The following GLIPR1L1 variants were observed in gnomAD, a reference collection of about 807,000 sequenced individuals.
GLIPR1L1 encodes GLIPR1 like 1, also known as GLIPR1-like protein 1.
A neutral mutation model predicts 29.9 loss-of-function variants in GLIPR1L1; 26 were observed. That is an observed-to-expected ratio of 0.87 (90% CI 0.64 to 1.21). GLIPR1L1 has a LOEUF of 1.21. Among genes scored for constraint, GLIPR1L1 ranks in the 50% most tolerant of loss-of-function variants. The probability of loss-of-function intolerance (pLI) is 0.00; values close to 1 mark genes in which losing one functional copy is unlikely to be tolerated. For missense variants in GLIPR1L1, 305 were observed against 290.3 expected (o/e 1.05, Z -0.37); for synonymous variants, 77 against 97.5 (o/e 0.79, Z 1.24).
At chr12:75,357,082 C>T (rs930739984) in intron 3 of GLIPR1L1, among the ~76,000 whole-genome samples, 7 of 152,048 alleles carry the variant, frequency 4.6e-5, no homozygotes, top group Admixed American at 3.9e-4. Flanking sequence ...TTCAGTTACT[C>T]AGGAGGCTGA....
At chr12:75,337,652 C>T (rs539941678) in intron 1 of GLIPR1L1, among the ~76,000 whole-genome samples, 1 of 151,976 alleles carries the variant, frequency 6.6e-6, no homozygotes, top group Non-Finnish European at 1.5e-5. Flanking sequence ...GTGAAACTAC[C>T]TACCTCAAGA....
intron 4 of GLIPR1L1, among the ~76,000 whole-genome samples, chr12:75,368,375 C>A (rs1314495426): frequency 2.6e-5 from 4 of 151,600 alleles, no homozygotes; most frequent in African/African-American, 9.7e-5. Context: ...TTTTTTCCTG[C>A]ATCTCTTGAA....
In GLIPR1L1 at chr12:75,363,146, G is replaced by A; in HGVS notation, c.566G>A (p.Cys189Tyr). 1.9e-6 allele frequency: 3 copies of A among 1,553,954 alleles called. No individual in the cohort carries two copies. The highest frequency in any genetic ancestry group is 2.6e-6 in the Non-Finnish European group (3 of 1,157,500). Residue 189 changes from cysteine (C) to tyrosine (Y), a missense_variant, in exon 4 of 6, where the codon TGC becomes TAC. Coordinates refer to ENST00000378695, the MANE Select transcript of GLIPR1L1 (RefSeq NM_001304964.2). ...NMPPYVRGES[C>Y]SLCSKEEKCV... ...CCTCCTTACGTAAGAGGAGAATCTT[G>A]CTCTCTCTGCTCAAAAGAAGAGAAA... is the stretch of plus-strand genomic sequence containing the variant.
intron 3 of GLIPR1L1, among the ~76,000 whole-genome samples, chr12:75,354,824 C>T (rs1012173183): frequency 5.9e-5 from 9 of 152,066 alleles, no homozygotes; most frequent in East Asian, 1.9e-4. Context: ...GAAATAAGAC[C>T]GCACATCTAT....
chr12:75,351,364 A>T (rs373436532), intron 3 of GLIPR1L1, among the ~76,000 whole-genome samples: 15 of 152,328 alleles, frequency 9.8e-5, no homozygotes, highest in African/African-American at 3.6e-4. Context: ...TGAGAAGATC[A>T]ACCCCAAGAC....
chr12:75,351,710 C>A (rs1021645792), intron 3 of GLIPR1L1, among the ~76,000 whole-genome samples: 2 of 152,106 alleles, frequency 1.3e-5, no homozygotes, highest in African/African-American at 4.8e-5. Flanking sequence ...CCACACCCAG[C>A]TAATTTTTGT....
At chr12:75,361,399 T>C (rs1052499831) in intron 3 of GLIPR1L1, among the ~76,000 whole-genome samples, 3 of 152,176 alleles carry the variant, frequency 2.0e-5, no homozygotes, top group Non-Finnish European at 4.4e-5. Flanking sequence ...CTTTCAGGTT[T>C]TAAACTGTCT....
At chr12:75,344,931 T>C (rs2042351617) in intron 2 of GLIPR1L1, among the ~76,000 whole-genome samples, 1 of 152,132 alleles carries the variant, frequency 6.6e-6, no homozygotes, top group Non-Finnish European at 1.5e-5. Flanking sequence ...GTTGTCCAGT[T>C]TGGAAAGTGA....
chr12:75,363,260 A>T (rs1040831236), intron 4 of GLIPR1L1, 70 bp downstream of exon 4: 46 of 713,928 alleles, frequency 6.4e-5, no homozygotes, highest in Admixed American at 5.4e-4. Flanking sequence ...AAATTTTAAA[A>T]TTTGGCTTCT....
intron 3 of GLIPR1L1, among the ~76,000 whole-genome samples, chr12:75,352,645 A>T (rs1468648306): frequency 6.6e-6 from 1 of 152,230 alleles, no homozygotes; most frequent in African/African-American, 2.4e-5. Context: ...GCTCTGGATC[A>T]AGTGGACCTG....
At chr12:75,359,570 G>A (rs1200106942) in intron 3 of GLIPR1L1, among the ~76,000 whole-genome samples, 8 of 151,438 alleles carry the variant, frequency 5.3e-5, no homozygotes, top group African/African-American at 1.9e-4. Flanking sequence ...TAATAATATG[G>A]TTTTCAAAAG....
rs994683562 is a variant in GLIPR1L1, at chr12:75,366,875, T to A, written c.611-3085T>A. The A allele has an allele frequency of 4.6e-5, 32 of 701,518 alleles. 1 individual carries two copies. In the Middle Eastern group the frequency reaches 7.0e-4, roughly 15 times the overall value. 43.5% of individuals were successfully genotyped at this position (701,518 alleles called of 1,614,324 possible). ...CTTGAATGAGTCTTTTAAAACTAAT[T>A]TTGTTGAGGGTTCCCTGTAGGGCCA... On this transcript the variant is annotated intron_variant, in intron 4 of 5. Coordinates refer to ENST00000378695, the MANE Select transcript of GLIPR1L1 (RefSeq NM_001304964.2).
At chr12:75,365,719 A>G (rs910652604) in intron 4 of GLIPR1L1, among the ~76,000 whole-genome samples, 10 of 152,258 alleles carry the variant, frequency 6.6e-5, no homozygotes, top group Middle Eastern at 3.4e-3. Context: ...CAGTATTTAT[A>G]AAAACTGTGA....
At position 75,343,900 on chromosome 12, in the gene GLIPR1L1, A is replaced by G; in HGVS notation, c.382A>G (p.Ser128Gly). The G allele has an allele frequency of 6.2e-7, 1 of 1,611,404 alleles. No individual in the cohort carries two copies. Among genetic ancestry groups the G allele is most frequent in the South Asian group, 1.1e-5 (1 of 90,986 alleles). ...YNETQFYDFD[S>G]LSCSRVCGHY... is the part of the protein sequence containing the mutation. The stretch of plus-strand genomic sequence containing the variant: ...TGAAACCCAATTTTATGATTTTGAT[A>G]GTCTATCATGCTCCAGAGTCTGTGG... The change falls in exon 2 of 6, where the codon AGT (serine) becomes GGT (glycine). Residue 128 changes from serine (S) to glycine (G), a missense_variant. Transcript: ENST00000378695.
At chr12:75,360,233 C>A (rs1262020533) in intron 3 of GLIPR1L1, 1 of 152,118 alleles carries the variant, frequency 6.6e-6, no homozygotes, top group Non-Finnish European at 1.5e-5. Context: ...CCAGCCCATC[C>A]AAATCTCTTG....
chr12:75,365,779 A>G (rs2043925146), intron 4 of GLIPR1L1, among the ~76,000 whole-genome samples: 1 of 152,124 alleles, frequency 6.6e-6, no homozygotes, highest in Admixed American at 6.6e-5. Flanking sequence ...ATACCCTATG[A>G]ATTGTGGGTG....
chr12:75,345,180 C>G (rs952946959), intron 2 of GLIPR1L1, among the ~76,000 whole-genome samples: 2 of 152,048 alleles, frequency 1.3e-5, no homozygotes, highest in Admixed American at 1.3e-4. Context: ...ACTCTCATAA[C>G]TATGAGAGTG....
intron 4 of GLIPR1L1, among the ~76,000 whole-genome samples, chr12:75,369,127 G>A (rs1363526928): frequency 6.6e-6 from 1 of 151,826 alleles, no homozygotes; most frequent in African/African-American, 2.4e-5. Flanking sequence ...GAGTCAGATG[G>A]TTTAACTCAA....
At chr12:75,358,824 A>G (rs1419718252) in intron 3 of GLIPR1L1, among the ~76,000 whole-genome samples, 2 of 144,176 alleles carry the variant, frequency 1.4e-5, no homozygotes, top group East Asian at 3.9e-4. Flanking sequence ...TTAAATATAT[A>G]TAATATATAA....
Sources: allele counts gnomAD v4.1 joint callset (sites outside exome capture counted in the v4.1 genomes callset), GRCh38; gene constraint gnomAD v4.1.1; transcripts MANE v1.5; gene names NCBI Gene and HGNC (gene_info 2026-07-23, HGNC 2026-07-21).